The following PKD1 variants were observed in gnomAD, a reference collection of about 807,000 sequenced individuals.
The protein encoded by PKD1 is polycystin-1.
PKD1 carries 81 observed loss-of-function variants against 361.7 expected under a neutral mutation model. The ratio of observed to expected loss-of-function variants is 0.22; its 90% CI spans 0.19 to 0.27. The LOEUF is 0.27. PKD1 is among the 10% of genes least tolerant of loss of function. The pLI is 1.00. For synonymous variants in PKD1, 3,615 were observed against 2,818.3 expected, an observed-to-expected ratio of 1.28 and a Z score of -8.95; for missense variants, 6,399 against 6,118.3, an observed-to-expected ratio of 1.05 and a Z score of -1.53.
At position 2,092,080 on chromosome 16, in the gene PKD1, C is replaced by G. The variant is rs1179460748; in HGVS notation, c.11378G>C (p.Gly3793Ala). Residue 3793 changes from glycine to alanine, a missense_variant, in exon 40 of 46, where the codon GGG becomes GCG. Physicochemically the swap from Gly to Ala is moderately conservative, Grantham distance 60 (BLOSUM62 0). Transcript: ENST00000262304. ...VGWESPHNGSGTWAYSAPDLL... is the reference protein window; with the variant it reads ...VGWESPHNGSATWAYSAPDLL... ...ATCCGGCGCTGAATAGGCCCACGTC[C>G]CCGAGCCATTGTGAGGACTCTCCCA... The G allele has an allele frequency of 1.2e-6, 2 of 1,612,766 alleles. No individual in the cohort carries two copies. The highest frequency in any genetic ancestry group is 2.2e-5 in the South Asian group (2 of 91,082).
In PKD1 at chr16:2,089,739, G is replaced by C; in HGVS notation, c.12900C>G (p.Pro4300=). The C allele has an allele frequency of 6.3e-7, 1 of 1,585,590 alleles. No homozygotes were observed. Among genetic ancestry groups the C allele is most frequent in the African/African-American group, 1.3e-5 (1 of 74,794 alleles). ...CCAGGAAGGAGGACTAAGTGCTGCT[G>C]GGGTGGACCTTGTTCTTGGCCCGAA... The part of the protein sequence containing the change: ...TPLRAKNKVH[P]SST Residue 4300 remains proline (P), a synonymous_variant, in exon 46 of 46, where the codon CCC becomes CCG. Transcript: ENST00000262304.
In PKD1 at chr16:2,116,653, G is replaced by C. The variant is rs751947716; in HGVS notation, c.1607-9C>G. On this transcript the variant is annotated splice_polypyrimidine_tract_variant and intron_variant, in intron 7 of 45. Coordinates refer to ENST00000262304, the MANE Select transcript of PKD1 (RefSeq NM_001009944.3). Reference sequence around the variant, plus strand: ...GGCATCCTGCACTGGGCCTGGGGTGGCGAGTGCACAGTGAGGCGCCGGGCC... The same window carrying C: ...GGCATCCTGCACTGGGCCTGGGGTGCCGAGTGCACAGTGAGGCGCCGGGCC... The C allele has an allele frequency of 2.0e-5, 29 of 1,467,236 alleles. No individual in the cohort carries two copies. Among genetic ancestry groups the C allele is most frequent in the Middle Eastern group, 4.7e-4 (2 of 4,282 alleles). 90.9% of individuals were successfully genotyped at this position (1,467,236 alleles called of 1,614,324 possible).
chr16:2,102,973 G>A lies in PKD1; in HGVS notation c.8792-3C>T, dbSNP rs752760852. The A allele has an allele frequency of 1.0e-5, 16 of 1,602,970 alleles. No individual in the cohort carries two copies. Among genetic ancestry groups the A allele is most frequent in the Admixed American group, 1.7e-5 (1 of 59,996 alleles). On this transcript the variant is annotated splice_polypyrimidine_tract_variant and splice_region_variant and intron_variant, in intron 23 of 45. Coordinates refer to ENST00000262304, the MANE Select transcript of PKD1 (RefSeq NM_001009944.3). Reference sequence around the variant, plus strand: ...AGGTTCCTCAGACAGGTAGTGGCCTGGGGCAGAACGCGCAGGTCACACGCC... The same window carrying A: ...AGGTTCCTCAGACAGGTAGTGGCCTAGGGCAGAACGCGCAGGTCACACGCC...
Position 2,097,916 on chromosome 16 carries a change from C to A in PKD1, c.10119G>T (p.Ser3373=). 1 of 1,605,014 alleles carries A rather than the reference C, an allele frequency of 6.2e-7. No homozygotes were observed. The highest frequency in any genetic ancestry group is 8.5e-7 in the Non-Finnish European group (1 of 1,174,756). The change falls in exon 31 of 46, where the codon TCG becomes TCT. Residue 3373 remains serine, a synonymous_variant. Transcript: ENST00000262304. ...QVLDIDSCLD[S]SVLDSSFLTF... The stretch of plus-strand genomic sequence containing the variant: ...TGAGGAAGGAGCTGTCCAGCACGGA[C>A]GAGTCCAGGCAGCTGTCGATGTCCA...
Position 2,103,877 on chromosome 16 carries a change from G to C in PKD1, c.8180C>G (p.Ala2727Gly), listed in dbSNP as rs746952322. Residue 2727 changes from alanine (A) to glycine (G), a missense_variant, in exon 23 of 46, where the codon GCC becomes GGC. Transcript: ENST00000262304. Reference protein sequence around the residue: ...LNITGDLIHLASSDVRAPQPS... With the variant: ...LNITGDLIHLGSSDVRAPQPS... ...CTGTGGTGCCCGCACGTCCGAGCTG[G>C]CCAGGTGGATGAGGTCTCCTGCAGA... 1 of 1,597,598 alleles carries C rather than the reference G, an allele frequency of 6.3e-7. No homozygotes were observed. The highest frequency in any genetic ancestry group is 1.1e-5 in the South Asian group (1 of 89,854).
At chr16:2,122,711 G>A (rs1567222673) in intron 1 of PKD1, among the ~76,000 whole-genome samples, 1 of 152,170 alleles carries the variant, frequency 6.6e-6, no homozygotes, top group Non-Finnish European at 1.5e-5. Flanking sequence ...ACTTTCCAGC[G>A]GCTGCGGCGG....
rs372745980 is a variant in PKD1 at position 2,106,953 on chromosome 16, C to G, written c.7066-5G>C. 15 of 1,585,054 alleles carry G rather than the reference C, an allele frequency of 9.5e-6. No homozygotes were observed. In the East Asian group the frequency reaches 2.7e-4, roughly 28 times the overall value. On this transcript the variant is annotated splice_polypyrimidine_tract_variant and splice_region_variant and intron_variant, in intron 16 of 45. Transcript: ENST00000262304. This position sits in a 1 kb window ranked among gnomAD's most constrained non-coding sequence, Gnocchi z 6.5. ...CCGGCCACTCCGGATCAGCACCTGGCGTGGGAGTGGGGTTACCTCCAACAC... is the reference window on the plus strand; with the variant it reads ...CCGGCCACTCCGGATCAGCACCTGGGGTGGGAGTGGGGTTACCTCCAACAC...
chr16:2,093,633 C>G lies in PKD1; in HGVS notation c.10927G>C (p.Val3643Leu), dbSNP rs1246806625. Reference sequence around the variant, plus strand: ...CCGTGGGGTGGCCGTACGCGGGGCACACGTGCGCTCACAGGCGTCACAGCC... The same window carrying G: ...CCGTGGGGTGGCCGTACGCGGGGCAGACGTGCGCTCACAGGCGTCACAGCC... Reference protein sequence around the residue: ...SPAVTPVSARVPRVRPPHGFA... With the variant: ...SPAVTPVSARLPRVRPPHGFA... Residue 3643 changes from valine (V) to leucine (L), a missense_variant, in exon 37 of 46, where the codon GTG becomes CTG. Physicochemically the swap from Val to Leu is conservative, Grantham distance 32 (BLOSUM62 1). Transcript: ENST00000262304. 1 of 1,609,442 alleles carries G rather than the reference C, an allele frequency of 6.2e-7. No individual in the cohort carries two copies. Among genetic ancestry groups the G allele is most frequent in the Non-Finnish European group, 8.5e-7 (1 of 1,178,432 alleles).
At chr16:2,125,439 A>G (rs1199109327) in intron 1 of PKD1, among the ~76,000 whole-genome samples, 1 of 152,196 alleles carries the variant, frequency 6.6e-6, no homozygotes, top group African/African-American at 2.4e-5. Context: ...GCTCAGCGGC[A>G]TTCTGTCCTT....
intron 20 of PKD1, 138 bp downstream of exon 20, chr16:2,105,727 G>C: frequency 3.9e-6 from 5 of 1,285,186 alleles, no homozygotes; most frequent in Non-Finnish European, 5.4e-6. Context: ...GCGGAAGGTC[G>C]GGGTGCTGCT....
chr16:2,126,370 T>C (rs2092800144), intron 1 of PKD1, among the ~76,000 whole-genome samples: 1 of 152,238 alleles, frequency 6.6e-6, no homozygotes, highest in Non-Finnish European at 1.5e-5. Context: ...ATGGCGCTGC[T>C]AAGGTCAGGA....
Position 2,090,734 on chromosome 16 carries a change from G to T in PKD1, c.12078C>A (p.Leu4026=), listed in dbSNP as rs562488184. Residue 4026 remains leucine, a synonymous_variant, in exon 44 of 46, where the codon CTC becomes CTA. Transcript: ENST00000262304. ...GKTLCRALPE[L]LGVTLGLVVL... Reference sequence around the variant, plus strand: ...CCACCAGGCCCAAGGTGACCCCCAGGAGCTCTGGCAGAGCTCGGCATAATG... The same window carrying T: ...CCACCAGGCCCAAGGTGACCCCCAGTAGCTCTGGCAGAGCTCGGCATAATG... The T allele has an allele frequency of 6.2e-7, 1 of 1,612,540 alleles. No homozygotes were observed. The highest frequency in any genetic ancestry group is 1.3e-5 in the African/African-American group (1 of 74,926).
At chr16:2,101,569 G>A (rs2092098014) in intron 26 of PKD1, among the ~76,000 whole-genome samples, 1 of 152,220 alleles carries the variant, frequency 6.6e-6, no homozygotes, top group Non-Finnish European at 1.5e-5. Flanking sequence ...TGTGAGCCAA[G>A]ATCATGCCAT....
At position 2,094,175 on chromosome 16, in the gene PKD1, G is replaced by A. The variant is rs34197769; in HGVS notation, c.10535C>T (p.Ala3512Val). The part of the protein sequence containing the change: ...STPGEKTETL[A>V]LQRLGELGPP... ...CCCCAGCTCCCCCAGCCTCTGCAGC[G>A]CCAGCGTCTCTGTCTTCTCCCCAGG... The change falls in exon 35 of 46, where the codon GCG (alanine) becomes GTG (valine). Residue 3512 changes from alanine to valine, a missense_variant. Physicochemically the swap from Ala to Val is moderately conservative, Grantham distance 64 (BLOSUM62 0). Transcript: ENST00000262304. The A allele has an allele frequency of 0.078, 124,745 of 1,603,254 alleles. 5,443 individuals are homozygous for A. Among genetic ancestry groups the A allele is most frequent in the African/African-American group, 0.13 (9,471 of 74,846 alleles).
Position 2,108,934 on chromosome 16 carries a change from T to C in PKD1, c.6233A>G (p.Gln2078Arg), listed in dbSNP as rs771845759. Residue 2078 changes from glutamine (Q) to arginine (R), a missense_variant, in exon 15 of 46, where the codon CAG becomes CGG. By Grantham distance (43) the Gln-to-Arg change is conservative. Coordinates refer to ENST00000262304, the MANE Select transcript of PKD1 (RefSeq NM_001009944.3). ...SGPCFTNRSA[Q>R]FEAATSPSPR... ...GCTGGGGCTGGTGGCGGCCTCAAAC[T>C]GCGCCGAGCGGTTGGTGAAGCAGGG... 4 of 1,601,062 alleles carry C rather than the reference T, an allele frequency of 2.5e-6. No homozygotes were observed. The highest frequency in any genetic ancestry group is 2.2e-4 in the Middle Eastern group (1 of 4,562).
At chr16:2,099,396 G>T in intron 30 of PKD1, 1 of 568,062 alleles carries the variant, frequency 1.8e-6, no homozygotes, top group Non-Finnish European at 3.2e-6. Flanking sequence ...CTGGCGTGCT[G>T]CTGTGCAGTC....
intron 24 of PKD1, 48 bp downstream of exon 24, chr16:2,102,766 A>C: frequency 6.2e-7 from 1 of 1,608,150 alleles, no homozygotes; most frequent in Non-Finnish European, 8.5e-7. Context: ...GGCAATGCTG[A>C]CCCATGATGC....
chr16:2,124,278 G>A (rs2092765266), intron 1 of PKD1, among the ~76,000 whole-genome samples: 1 of 152,232 alleles, frequency 6.6e-6, no homozygotes, highest in Non-Finnish European at 1.5e-5. Context: ...CAGCGGGTCT[G>A]CCCGCCACCC....
chr16:2,133,903 A>C (rs2092918421), intron 1 of PKD1, among the ~76,000 whole-genome samples: 1 of 151,708 alleles, frequency 6.6e-6, no homozygotes, highest in Non-Finnish European at 1.5e-5. Flanking sequence ...TGCTGTGCCA[A>C]GGGCCTGGAG....
Sources: gnomAD v4.1 joint callset for allele counts (sites outside exome capture counted in the v4.1 genomes callset) on GRCh38, gnomAD v4.1.1 for gene constraint, Gnocchi (gnomAD v3.1) non-coding constraint, MANE v1.5 for transcripts, NCBI Gene and HGNC (gene_info 2026-07-23, HGNC 2026-07-21) for gene names.